GRIA2: variants seen among roughly 807,000 people sequenced by gnomAD.
GRIA2 encodes the protein glutamate receptor 2.
Under a neutral mutation model 97.3 loss-of-function variants are expected in GRIA2, and 14 were observed. The observed-to-expected ratio is 0.14, with a 90% CI of 0.10 to 0.23. The LOEUF (loss-of-function observed/expected upper bound fraction) is 0.23, where lower values mean the gene tolerates loss of function less well. GRIA2 is among the 10% of genes least tolerant of loss of function. The pLI, the probability that GRIA2 is intolerant of heterozygous loss-of-function variation, is 1.00. For missense variants in GRIA2, 558 were observed against 1,069.8 expected (o/e 0.52, Z 6.67); for synonymous variants, 412 against 387.8 (o/e 1.06, Z -0.73).
intron 3 of GRIA2, among the ~76,000 whole-genome samples, chr4:157,307,414 T>C (rs896988129): frequency 6.6e-5 from 10 of 152,176 alleles, no homozygotes; most frequent in Non-Finnish European, 1.5e-4. Context: ...CTAAGTTTAC[T>C]GGTGAGAGGA....
intron 1 of GRIA2, chr4:157,221,412 T>G: frequency 1.7e-6 from 1 of 572,808 alleles, no homozygotes. Context: ...TCTTGGGGTC[T>G]GAATGCAAAG....
chr4:157,242,752 A>C (rs1254821480), intron 2 of GRIA2, among the ~76,000 whole-genome samples: 1 of 152,136 alleles, frequency 6.6e-6, no homozygotes, highest in Non-Finnish European at 1.5e-5. Context: ...TGATCAATAC[A>C]TAACATTGTT....
chr4:157,231,840 A>C (rs2126694875), intron 2 of GRIA2, among the ~76,000 whole-genome samples: 1 of 152,288 alleles, frequency 6.6e-6, no homozygotes, highest in African/African-American at 2.4e-5. Context: ...AAAAAAATTA[A>C]AATATTTTTA....
rs944940847 is a variant in GRIA2 at position 157,362,784 on chromosome 4, A to G, written c.2407-15A>G. ...TTTGCCTTCCTAATAACCTCTTCTC[A>G]TATACATTCTTTAGGAAAAGACCAG... On this transcript the variant is annotated splice_polypyrimidine_tract_variant and intron_variant, in intron 14 of 15. Coordinates refer to ENST00000264426, the MANE Select transcript of GRIA2 (RefSeq NM_001083619.3). 2 of 1,605,932 alleles carry G rather than the reference A, an allele frequency of 1.2e-6. No homozygotes were observed. The highest frequency in any genetic ancestry group is 1.7e-5 in the Admixed American group (1 of 59,006).
In GRIA2 at chr4:157,343,733, A is replaced by G. The variant is rs546921767; in HGVS notation, c.2043+2271A>G. On this transcript the variant is annotated intron_variant, in intron 12 of 15. Transcript: ENST00000264426. ...AACAAAAAAGAGAAGCCAATAAAAC[A>G]GCATGCATCACCAAAGAGAATAGGA... Among the ~76,000 whole-genome samples the G allele has an allele frequency of 5.3e-5, 8 of 152,280 alleles. 1 individual carries two copies. The East Asian group carries it at 1.5e-3, about 29-fold the overall frequency.
At chr4:157,272,484 T>G (rs1406835906) in intron 2 of GRIA2, among the ~76,000 whole-genome samples, 1 of 151,856 alleles carries the variant, frequency 6.6e-6, no homozygotes, top group African/African-American at 2.4e-5. Context: ...AATTGAAAAA[T>G]TGTTGCAGGC....
chr4:157,312,497 A>T (rs1392079233), intron 3 of GRIA2, among the ~76,000 whole-genome samples, 182 bp from the exon 4 acceptor site: 4 of 152,126 alleles, frequency 2.6e-5, no homozygotes, highest in Non-Finnish European at 5.9e-5. Context: ...TGAGTTTTTG[A>T]TGTGAAGTGA....
At chr4:157,263,792 T>C (rs1337698580) in intron 2 of GRIA2, among the ~76,000 whole-genome samples, 1 of 152,036 alleles carries the variant, frequency 6.6e-6, no homozygotes, top group Non-Finnish European at 1.5e-5. Context: ...CAATGAGGAG[T>C]CAGGAAGATG....
intron 2 of GRIA2, among the ~76,000 whole-genome samples, chr4:157,273,678 TA>T (rs1732142390): frequency 6.6e-6 from 1 of 151,546 alleles, no homozygotes; most frequent in Non-Finnish European, 1.5e-5. Context: ...CTTTCAAAAC[TA>T]AAAAACAGAG....
rs1289665037 is a variant in GRIA2, at chr4:157,296,694, C to T, written c.230-6858C>T. 2.0e-5 allele frequency among the ~76,000 whole-genome samples: 3 copies of T among 152,042 alleles called. No individual in the cohort carries two copies. The East Asian group carries it at 5.8e-4, about 29-fold the overall frequency. On this transcript the variant is annotated intron_variant, in intron 2 of 15. Transcript: ENST00000264426. ...GAAACATAGAGCTGGGCTTCCGATT[C>T]GGGCAACTGGGGAGTGTGCTGATGG... is the stretch of plus-strand genomic sequence containing the variant.
intron 3 of GRIA2, among the ~76,000 whole-genome samples, chr4:157,312,000 T>A (rs1057459319): frequency 2.0e-5 from 3 of 152,004 alleles, no homozygotes; most frequent in Non-Finnish European, 2.9e-5. Flanking sequence ...AATAGACATA[T>A]TTGGAAAGAG....
Position 157,236,156 on chromosome 4 carries a change from A to G in GRIA2, c.229+14349A>G, listed in dbSNP as rs528675584. Among the ~76,000 whole-genome samples, 8 of 152,206 alleles carry G rather than the reference A, an allele frequency of 5.3e-5. No homozygotes were observed. In the South Asian group the frequency reaches 1.2e-3, roughly 24 times the overall value. On this transcript the variant is annotated intron_variant, in intron 2 of 15. Transcript: ENST00000264426. ...TTACAATAGCATTTTGGTACTATGG[A>G]TGATTTAGAATGTAAAACATGCAGA...
chr4:157,274,557 C>A (rs1363716434), intron 2 of GRIA2, among the ~76,000 whole-genome samples: 1 of 147,076 alleles, frequency 6.8e-6, no homozygotes, highest in East Asian at 2.1e-4. Context: ...GTGATGTTCC[C>A]CTTCCTGGTT....
chr4:157,305,393 T>C (rs1733798566), intron 3 of GRIA2, among the ~76,000 whole-genome samples: 1 of 152,126 alleles, frequency 6.6e-6, no homozygotes, highest in South Asian at 2.1e-4. Flanking sequence ...TTTTAATCCA[T>C]TTTCTATGAA....
intron 2 of GRIA2, among the ~76,000 whole-genome samples, chr4:157,238,914 AAT>A (rs1262057642): frequency 6.6e-6 from 1 of 152,132 alleles, no homozygotes; most frequent in Non-Finnish European, 1.5e-5. Flanking sequence ...TGTTATATAA[AAT>A]AGTTTTTCAT....
At chr4:157,297,586 C>A (rs1436815543) in intron 2 of GRIA2, among the ~76,000 whole-genome samples, 1 of 151,994 alleles carries the variant, frequency 6.6e-6, no homozygotes, top group Non-Finnish European at 1.5e-5. Context: ...CCAATAAATC[C>A]AGATAGAAAA....
At chr4:157,300,195 T>C (rs922516481) in intron 2 of GRIA2, among the ~76,000 whole-genome samples, 1 of 152,126 alleles carries the variant, frequency 6.6e-6, no homozygotes, top group African/African-American at 2.4e-5. Flanking sequence ...TGAAAATGAA[T>C]AATTTCCCTT....
intron 2 of GRIA2, among the ~76,000 whole-genome samples, chr4:157,283,189 C>T (rs1455068590): frequency 6.6e-6 from 1 of 151,926 alleles, no homozygotes; most frequent in Admixed American, 6.6e-5. Context: ...GTAAGAGCCT[C>T]TCAAAGAGAA....
chr4:157,220,694 G>A (rs894856098), upstream of GRIA2: 1 of 312,750 alleles, frequency 3.2e-6, no homozygotes, highest in Non-Finnish European at 6.0e-6. Context: ...GTGAGTGAGA[G>A]AGGAGAGAGG....
Sources: gnomAD v4.1 joint callset for allele counts (sites outside exome capture counted in the v4.1 genomes callset) on GRCh38, gnomAD v4.1.1 for gene constraint, MANE v1.5 for transcripts, NCBI Gene and HGNC (gene_info 2026-07-23, HGNC 2026-07-21) for gene names.